Variants in DGKB observed in about 807,000 individuals in gnomAD.
The protein encoded by DGKB is 90 kDa diacylglycerol kinase.
Under a neutral mutation model 114.3 loss-of-function variants are expected in DGKB, and 67 were observed. The observed-to-expected ratio is 0.59, with a 90% CI of 0.48 to 0.72. The LOEUF (loss-of-function observed/expected upper bound fraction) is 0.72, where lower values mean the gene tolerates loss of function less well. Ranked by LOEUF, DGKB falls within the 30% of genes least tolerant of loss-of-function variation. The probability of loss-of-function intolerance (pLI) is 0.00; values close to 1 mark genes in which losing one functional copy is unlikely to be tolerated. For missense variants in DGKB, 907 were observed against 975.2 expected, an observed-to-expected ratio of 0.93 and a Z score of 0.93; for synonymous variants, 398 against 323.1, an observed-to-expected ratio of 1.23 and a Z score of -2.49.
intron 13 of DGKB, among the ~76,000 whole-genome samples, chr7:14,661,310 C>G (rs1278929464): frequency 6.8e-6 from 1 of 146,714 alleles, no homozygotes; most frequent in Non-Finnish European, 1.5e-5. Context: ...ACTCATCTGA[C>G]AAAGGGCTAA....
chr7:14,691,007 T>C (rs998879556), intron 9 of DGKB, among the ~76,000 whole-genome samples: 1 of 152,190 alleles, frequency 6.6e-6, no homozygotes, highest in African/African-American at 2.4e-5. Flanking sequence ...GAGCCTCTTG[T>C]AAGAGAAAAG....
intron 21 of DGKB, among the ~76,000 whole-genome samples, chr7:14,382,105 G>A (rs930958229): frequency 6.6e-6 from 1 of 152,016 alleles, no homozygotes; most frequent in Admixed American, 6.5e-5. Context: ...TTTGTCTCAG[G>A]TTCACCTCTG....
chr7:14,571,035 T>G (rs1408525945), intron 20 of DGKB, among the ~76,000 whole-genome samples: 2 of 152,130 alleles, frequency 1.3e-5, no homozygotes, highest in African/African-American at 2.4e-5. Flanking sequence ...ACCTACTAGT[T>G]AGCAAAAAAA....
At chr7:14,281,296 A>G (rs1211860285) in intron 23 of DGKB, among the ~76,000 whole-genome samples, 1 of 150,990 alleles carries the variant, frequency 6.6e-6, no homozygotes, top group Non-Finnish European at 1.5e-5. Context: ...GGATCAATTC[A>G]ACAAGAAGAG....
chr7:14,880,451 C>A (rs1266483821), intron 1 of DGKB, among the ~76,000 whole-genome samples: 2 of 152,078 alleles, frequency 1.3e-5, no homozygotes, highest in African/African-American at 4.8e-5. Flanking sequence ...GAGTGAGACT[C>A]CATCTCAAAT....
intron 20 of DGKB, among the ~76,000 whole-genome samples, chr7:14,554,974 C>T (rs1426685056): frequency 6.6e-6 from 1 of 151,972 alleles, no homozygotes; most frequent in Non-Finnish European, 1.5e-5. Context: ...ATCAAGAAAA[C>T]ACAACCATAA....
At chr7:14,618,705 C>A (rs927485365) in intron 15 of DGKB, among the ~76,000 whole-genome samples, 11 of 151,496 alleles carry the variant, frequency 7.3e-5, no homozygotes, top group African/African-American at 2.7e-4. Context: ...TAAGGTTATA[C>A]ATGATCTATT....
chr7:14,480,070 G>A (rs995509389), intron 20 of DGKB, among the ~76,000 whole-genome samples: 1 of 151,784 alleles, frequency 6.6e-6, no homozygotes, highest in African/African-American at 2.4e-5. Context: ...GTATATTTTT[G>A]TAATGACAAA....
chr7:14,635,463 C>T (rs1017479886), intron 13 of DGKB, among the ~76,000 whole-genome samples: 5 of 151,268 alleles, frequency 3.3e-5, no homozygotes, highest in Non-Finnish European at 7.4e-5. Context: ...AAAATTCTCT[C>T]TCTGTTGTTT....
At chr7:14,234,855 C>T (rs1792521149) in intron 23 of DGKB, among the ~76,000 whole-genome samples, 1 of 152,012 alleles carries the variant, frequency 6.6e-6, no homozygotes, top group Non-Finnish European at 1.5e-5. Context: ...TATCATTTTA[C>T]AAGAATTGTG....
chr7:14,743,796 A>G (rs1380932592), intron 4 of DGKB, among the ~76,000 whole-genome samples: 1 of 152,152 alleles, frequency 6.6e-6, no homozygotes, highest in Non-Finnish European at 1.5e-5. Flanking sequence ...TCTGACTGTA[A>G]CTACCCTGGT....
At chr7:14,388,043 C>T (rs1420402084) in intron 21 of DGKB, among the ~76,000 whole-genome samples, 2 of 151,764 alleles carry the variant, frequency 1.3e-5, no homozygotes, top group Non-Finnish European at 2.9e-5. Flanking sequence ...CTGCGCCCGG[C>T]TAATTTTTGT....
chr7:14,867,269 C>G (rs1288696042), intron 1 of DGKB, among the ~76,000 whole-genome samples: 1 of 151,928 alleles, frequency 6.6e-6, no homozygotes, highest in Non-Finnish European at 1.5e-5. Flanking sequence ...TGGACTCTGC[C>G]TTTGGTGTTG....
chr7:14,882,491 T>G (rs1321309271), intron 1 of DGKB, among the ~76,000 whole-genome samples: 4 of 152,076 alleles, frequency 2.6e-5, no homozygotes, highest in African/African-American at 9.7e-5. Flanking sequence ...TTTTGTTACA[T>G]GCATAGATTG....
intron 6 of DGKB, among the ~76,000 whole-genome samples, chr7:14,702,878 AAGTT>A (rs1163755953): frequency 1.3e-5 from 2 of 152,214 alleles, no homozygotes; most frequent in Non-Finnish European, 2.9e-5. Context: ...AAAAGAAAAA[AAGTT>A]AGCCATGTCA....
chr7:14,590,095 G>T (rs1401422306), intron 17 of DGKB, among the ~76,000 whole-genome samples: 1 of 151,154 alleles, frequency 6.6e-6, no homozygotes, highest in Non-Finnish European at 1.5e-5. Context: ...CACCAGCATG[G>T]CACATGTATA....
rs1035115156 is a variant in DGKB at position 14,642,455 on chromosome 7, C to A, written c.1135-12187G>T. Among the ~76,000 whole-genome samples, 30 of 152,102 alleles carry A rather than the reference C, an allele frequency of 2.0e-4. 1 individual carries two copies. The highest frequency in any genetic ancestry group is 7.4e-5 in the Non-Finnish European group (5 of 68,020). On this transcript the variant is annotated intron_variant, in intron 13 of 25. Coordinates refer to ENST00000402815, the MANE Select transcript of DGKB (RefSeq NM_001350709.2). ...GTCATAAACCATCAGTCTGCATTGG[C>A]AGTTGATAGAAAAGTCAAAGGAAAC...
chr7:14,901,727 C>T (rs1385839082), intron 1 of DGKB, among the ~76,000 whole-genome samples: 1 of 150,444 alleles, frequency 6.6e-6, no homozygotes, highest in African/African-American at 2.4e-5. Context: ...TAGAAAAGAC[C>T]TTCAGTATTC....
chr7:14,881,679 T>G (rs911141465), intron 1 of DGKB, among the ~76,000 whole-genome samples: 1 of 152,094 alleles, frequency 6.6e-6, no homozygotes, highest in Non-Finnish European at 1.5e-5. Context: ...TAGGGTTGTG[T>G]ACCTTTCTTC....
Sources: allele counts gnomAD v4.1 joint callset (sites outside exome capture counted in the v4.1 genomes callset), GRCh38; gene constraint gnomAD v4.1.1; transcripts MANE v1.5; gene names NCBI Gene and HGNC (gene_info 2026-07-23, HGNC 2026-07-21).